The following ROBO2 variants were observed in gnomAD, a reference collection of about 807,000 sequenced individuals.
The protein encoded by ROBO2 is roundabout guidance receptor 2, also known as roundabout homolog 2.
A neutral mutation model predicts 160.8 loss-of-function variants in ROBO2; 53 were observed. The ratio of observed to expected loss-of-function variants is 0.33; its 90% CI spans 0.26 to 0.41. The LOEUF (loss-of-function observed/expected upper bound fraction) is 0.41. Among genes scored for constraint, ROBO2 ranks in the 10% least tolerant of loss-of-function variants. The probability of loss-of-function intolerance (pLI) is 1.00; values close to 1 mark genes in which losing one functional copy is unlikely to be tolerated. For missense variants in ROBO2, 1,577 were observed against 1,722.4 expected (o/e 0.92, Z 1.49); for synonymous variants, 664 against 611.7 (o/e 1.09, Z -1.26).
At chr3:76,232,172 C>T (rs962640463) in intron 2 of ROBO2, among the ~76,000 whole-genome samples, 1 of 152,146 alleles carries the variant, frequency 6.6e-6, no homozygotes, top group Non-Finnish European at 1.5e-5. Context: ...AAACAACATG[C>T]AGGGCCTAGA....
intron 2 of ROBO2, among the ~76,000 whole-genome samples, chr3:76,228,387 T>C (rs1704420489): frequency 1.3e-5 from 2 of 152,188 alleles, no homozygotes; most frequent in African/African-American, 2.4e-5. Context: ...TTTATCAGCA[T>C]AGATCATTAA....
intron 2 of ROBO2, among the ~76,000 whole-genome samples, chr3:76,398,329 G>GA: frequency 7.0e-6 from 1 of 142,694 alleles, no homozygotes; most frequent in African/African-American, 2.7e-5. Flanking sequence ...CTGTTGTGGG[G>GA]TGGGGGGAGG....
rs147815316 is a variant in ROBO2 at position 77,368,537 on chromosome 3, T to C, written c.389-108877T>C. On this transcript the variant is annotated intron_variant, in intron 2 of 25. Transcript: ENST00000461745. ...ATGTCCTCATTAGCTGATACTGCTC[T>C]AGATGTACTATATTTAATGTTATAC... Among the ~76,000 whole-genome samples, 657 of 152,312 alleles carry C rather than the reference T, an allele frequency of 4.3e-3. 4 individuals are homozygous for C. Among genetic ancestry groups the C allele is most frequent in the Non-Finnish European group, 7.4e-3 (502 of 68,028 alleles).
At position 76,299,951 on chromosome 3, in the gene ROBO2, G is replaced by A. The variant is rs550184764; in HGVS notation, c.109+362349G>A. 1.2e-4 allele frequency among the ~76,000 whole-genome samples: 19 copies of A among 152,192 alleles called. No homozygotes were observed. In the South Asian group the frequency reaches 3.3e-3, roughly 27 times the overall value. ...ACTGAGAGGAGCAATATTTTTTGAC[G>A]AGTTGAGTTGGAGGTATTTATTTGA... On this transcript the variant is annotated intron_variant, in intron 2 of 26. Coordinates refer to the ROBO2 transcript ENST00000487694.
intron 2 of ROBO2, among the ~76,000 whole-genome samples, chr3:76,492,561 GAA>G (rs11358306): frequency 1.3e-5 from 2 of 149,846 alleles, no homozygotes; most frequent in East Asian, 2.0e-4. Context: ...AGTGCATAAA[GAA>G]AAAAAAAACA....
At chr3:76,176,328 T>C (rs2073229860) in intron 2 of ROBO2, among the ~76,000 whole-genome samples, 1 of 151,924 alleles carries the variant, frequency 6.6e-6, no homozygotes, top group Non-Finnish European at 1.5e-5. Context: ...TTTTGTATTA[T>C]TATGCAGAAA....
At chr3:77,360,252 AC>A (rs34393190) in intron 2 of ROBO2, among the ~76,000 whole-genome samples, 288 of 143,676 alleles carry the variant, frequency 2.0e-3, no homozygotes, top group African/African-American at 4.4e-3. Flanking sequence ...ATGTAATGCA[AC>A]CCCCCCCCCA....
At chr3:76,948,902 ATATATATTTTTTTT>A (rs1167976866) in intron 2 of ROBO2, among the ~76,000 whole-genome samples, 24 of 42,840 alleles carry the variant, frequency 5.6e-4, no homozygotes, top group African/African-American at 7.7e-4. Context: ...ATATATATAT[ATATATATTTTTTTT>A]TTTTTTTTTT....
chr3:77,059,938 C>CA (rs2066128792), intron 1 of ROBO2, among the ~76,000 whole-genome samples: 1 of 151,848 alleles, frequency 6.6e-6, no homozygotes, highest in Non-Finnish European at 1.5e-5. Flanking sequence ...TATACTACAC[C>CA]AGGGGGGTTA....
chr3:77,269,598 A>G lies in ROBO2; in HGVS notation c.388+171258A>G, dbSNP rs1432361215. On this transcript the variant is annotated intron_variant, in intron 2 of 25. Transcript: ENST00000461745. The stretch of plus-strand genomic sequence containing the variant: ...GAATTCCAATGAAAACATGGTTGGT[A>G]AGGAGTTTTCCAAGATGTGTGTGTA... Among the ~76,000 whole-genome samples the G allele has an allele frequency of 2.9e-5, 4 of 136,586 alleles. No homozygotes were observed. In the Admixed American group the frequency reaches 3.1e-4, roughly 11 times the overall value. The allele number at this position is 136,586 out of a possible 152,430, so 89.6% of individuals were successfully genotyped here. A position where few individuals can be genotyped will look rare whatever the true frequency, so the allele number is the denominator to read the frequency against.
At chr3:76,387,699 A>C (rs2076959591) in intron 2 of ROBO2, among the ~76,000 whole-genome samples, 1 of 152,174 alleles carries the variant, frequency 6.6e-6, no homozygotes, top group African/African-American at 2.4e-5. Flanking sequence ...AACTTGTTTA[A>C]GGTTATGGAG....
chr3:77,213,401 A>G (rs978122515), intron 2 of ROBO2, among the ~76,000 whole-genome samples: 1 of 152,038 alleles, frequency 6.6e-6, no homozygotes, highest in African/African-American at 2.4e-5. Flanking sequence ...GGTAGTTTGT[A>G]TTTCTATGGG....
Position 77,200,319 on chromosome 3 carries a change from A to T in ROBO2, c.388+101979A>T, listed in dbSNP as rs1327232406. On this transcript the variant is annotated intron_variant, in intron 2 of 25. Coordinates refer to ENST00000461745, the Ensembl canonical transcript of ROBO2. The stretch of plus-strand genomic sequence containing the variant: ...TATATATATATATATATATATATAT[A>T]TATTTTAGTTTCTATAGGTAAAGGG... Among the ~76,000 whole-genome samples, 1,535 of 61,484 alleles carry T rather than the reference A, an allele frequency of 0.025. 97 individuals carry two copies. In the East Asian group the frequency reaches 0.25, roughly 10 times the overall value. 40.3% of individuals were successfully genotyped at this position (61,484 alleles called of 152,430 possible).
At chr3:76,445,372 A>C (rs2077126465) in intron 2 of ROBO2, among the ~76,000 whole-genome samples, 1 of 152,190 alleles carries the variant, frequency 6.6e-6, no homozygotes, top group African/African-American at 2.4e-5. Context: ...AGCTATAGCA[A>C]AACTAAGGAA....
At chr3:76,724,745 T>A (rs1371961377) in intron 2 of ROBO2, among the ~76,000 whole-genome samples, 1 of 152,150 alleles carries the variant, frequency 6.6e-6, no homozygotes, top group African/African-American at 2.4e-5. Context: ...AACCTATAAA[T>A]GTTACTTATA....
chr3:75,908,310 G>T (rs1423948163), intron 1 of ROBO2, among the ~76,000 whole-genome samples: 5 of 152,070 alleles, frequency 3.3e-5, no homozygotes, highest in Non-Finnish European at 7.4e-5. Context: ...ATCAAAGTAT[G>T]TAATATTTTA....
chr3:77,124,969 A>G (rs1159744601), intron 2 of ROBO2, among the ~76,000 whole-genome samples: 3 of 150,438 alleles, frequency 2.0e-5, no homozygotes, highest in Non-Finnish European at 4.4e-5. Context: ...AATATCCTGG[A>G]CTTTTACTCA....
chr3:76,403,310 C>T (rs2077948319), intron 2 of ROBO2, among the ~76,000 whole-genome samples: 2 of 151,520 alleles, frequency 1.3e-5, no homozygotes, highest in African/African-American at 4.8e-5. Context: ...ATTTATAATT[C>T]AGCAAAATCA....
At chr3:77,124,782 G>A (rs947193138) in intron 2 of ROBO2, among the ~76,000 whole-genome samples, 1 of 151,986 alleles carries the variant, frequency 6.6e-6, no homozygotes, top group Non-Finnish European at 1.5e-5. Flanking sequence ...AACAAATAAA[G>A]TATCCATTAT....
Sources: allele counts gnomAD v4.1 joint callset (sites outside exome capture counted in the v4.1 genomes callset), GRCh38; gene constraint gnomAD v4.1.1; transcripts MANE v1.5; gene names NCBI Gene and HGNC (gene_info 2026-07-23, HGNC 2026-07-21).